CASP6: variants seen among roughly 807,000 people sequenced by gnomAD.
The protein encoded by CASP6 is caspase-6.
In CASP6, 20 loss-of-function variants were observed where a neutral mutation model predicts 31.8. That is an observed-to-expected ratio of 0.63 (90% confidence interval 0.44 to 0.91). The LOEUF is 0.91. CASP6 is among the 40% of genes least tolerant of loss of function. The pLI, the probability that CASP6 is intolerant of heterozygous loss-of-function variation, is 0.00. For synonymous variants in CASP6, 130 were observed against 127.8 expected, an observed-to-expected ratio of 1.02 and a Z score of -0.12; for missense variants, 328 against 361.1, an observed-to-expected ratio of 0.91 and a Z score of 0.74.
chr4:109,690,851 T>A lies in CASP6; in HGVS notation c.642A>T (p.Glu214Asp). The A allele has an allele frequency of 6.2e-7, 1 of 1,605,692 alleles. No homozygotes were observed. The highest frequency in any genetic ancestry group is 1.1e-5 in the South Asian group (1 of 89,324). Reference sequence around the variant, plus strand: ...ATGTTTGTTTTAAACACCACACACCTTCTGCAACAGAGTAACACATGAGGA... The same window carrying A: ...ATGTTTGTTTTAAACACCACACACCATCTGCAACAGAGTAACACATGAGGA... ...ADFLMCYSVA[E>D]GYYSHRETVN... Residue 214 changes from glutamate (E) to aspartate (D), a missense_variant and splice_region_variant, in exon 6 of 7, where the codon GAA becomes GAT. Glu to Asp is a conservative substitution (Grantham distance 45). Coordinates refer to ENST00000265164, the MANE Select transcript of CASP6 (RefSeq NM_001226.4).
Position 109,689,203 on chromosome 4 carries a change from A to C in CASP6, c.*127T>G, listed in dbSNP as rs1234821207. 2.4e-6 allele frequency: 2 copies of C among 832,206 alleles called. No individual in the cohort carries two copies. Among genetic ancestry groups the C allele is most frequent in the Non-Finnish European group, 3.9e-6 (2 of 512,128 alleles). 51.6% of individuals were successfully genotyped at this position (832,206 alleles called of 1,614,324 possible). ...TCCATGTTGGTCAGGCTGGTCTCGA[A>C]CTCCCGACCTCAGGTGATCCGCCCA... is the stretch of plus-strand genomic sequence containing the variant. On this transcript the variant is annotated 3_prime_UTR_variant, in exon 7 of 7. Coordinates refer to ENST00000265164, the MANE Select transcript of CASP6 (RefSeq NM_001226.4).
intron 1 of CASP6, chr4:109,702,768 ACAG>A (rs1403598264): frequency 6.6e-6 from 1 of 152,504 alleles, no homozygotes; most frequent in African/African-American, 2.4e-5. Flanking sequence ...AAACCGACAG[ACAG>A]CAGCAGGTTT....
At chr4:109,665,994 G>A in the CASP6 span, among the ~76,000 whole-genome samples, 6 of 151,928 alleles carry the variant, frequency 3.9e-5, no homozygotes, top group Non-Finnish European at 5.9e-5. Context: ...AAGGGGGAAA[G>A]GAAGAGAGAG....
chr4:109,703,582 C>T (rs375070297), upstream of CASP6: 36 of 702,310 alleles, frequency 5.1e-5, no homozygotes, highest in East Asian at 9.9e-4. Flanking sequence ...AGAGTTAAAG[C>T]TCCTCCCAGT....
chr4:109,665,512 G>C, the CASP6 span, among the ~76,000 whole-genome samples: 1 of 152,172 alleles, frequency 6.6e-6, no homozygotes, highest in African/African-American at 2.4e-5. Flanking sequence ...CAAAATTCAA[G>C]GATGCTCAAG....
At chr4:109,697,878 C>CTGA (rs1730299426) in intron 2 of CASP6, 110 bp from the exon 3 acceptor site, 1 of 1,227,692 alleles carries the variant, frequency 8.1e-7, no homozygotes, top group Non-Finnish European at 1.1e-6. Context: ...CCTTGCCAGG[C>CTGA]TGATGTTCCA....
downstream of CASP6, chr4:109,684,914 A>G: frequency 2.6e-6 from 1 of 383,974 alleles, no homozygotes. Flanking sequence ...CATTTATAAA[A>G]AAAACTGAAT....
rs1554021792 is a variant in CASP6, at chr4:109,690,247, A to AACAC, written c.643+602_643+603insGTGT. Among the ~76,000 whole-genome samples the AACAC allele has an allele frequency of 3.2e-3, 460 of 143,400 alleles. 6 individuals are homozygous for AACAC. The highest frequency in any genetic ancestry group is 0.011 in the African/African-American group (433 of 37,836). The allele number at this position is 143,400 out of a possible 152,430, so 94.1% of individuals were successfully genotyped here. Reference sequence around the variant, plus strand: ...ACAGAGTGAGACTATAAAAAAAAAAAACGCACGCACGCACGCAATGGCTCA... The same window carrying AACAC: ...ACAGAGTGAGACTATAAAAAAAAAAAACACACGCACGCACGCACGCAATGGCTCA... On this transcript the variant is annotated intron_variant, in intron 6 of 6. Transcript: ENST00000265164.
the CASP6 span, chr4:109,682,787 T>A: frequency 6.8e-7 from 1 of 1,469,458 alleles, no homozygotes; most frequent in Non-Finnish European, 9.4e-7. Context: ...TAATACCTAG[T>A]GTTTATTGAG....
At chr4:109,703,484 G>C (rs1730500618), upstream of CASP6, 44 of 1,515,296 alleles carry the variant, frequency 2.9e-5, 2 homozygotes, top group South Asian at 5.3e-4. Flanking sequence ...CCCTTCCTCG[G>C]CGGCCCCGCC....
At chr4:109,665,235 TTTA>T in the CASP6 span, among the ~76,000 whole-genome samples, 1 of 152,232 alleles carries the variant, frequency 6.6e-6, no homozygotes, top group African/African-American at 2.4e-5. Context: ...TCATCTTGTT[TTTA>T]TTAATCTTTC....
chr4:109,671,648 G>C, the CASP6 span, among the ~76,000 whole-genome samples: 1 of 152,000 alleles, frequency 6.6e-6, no homozygotes, highest in Non-Finnish European at 1.5e-5. Flanking sequence ...TTTTCCATTA[G>C]AGCCTTTAAT....
chr4:109,696,037 C>T (rs1579110167), intron 4 of CASP6, among the ~76,000 whole-genome samples: 6 of 152,130 alleles, frequency 3.9e-5, no homozygotes, highest in Admixed American at 3.9e-4. Context: ...TGTAAACCAA[C>T]ACTATTTGGA....
intron 1 of CASP6, among the ~76,000 whole-genome samples, chr4:109,700,193 T>G (rs1402443800): frequency 1.3e-5 from 2 of 152,202 alleles, no homozygotes; most frequent in Non-Finnish European, 2.9e-5. Flanking sequence ...TTTAAAACTC[T>G]TGTTTCTCAT....
chr4:109,701,531 G>A lies in CASP6; in HGVS notation c.40+1825C>T, dbSNP rs971897879. 4.6e-5 allele frequency among the ~76,000 whole-genome samples: 7 copies of A among 152,108 alleles called. No individual in the cohort carries two copies. The South Asian group carries it at 6.2e-4, about 14-fold the overall frequency. On this transcript the variant is annotated intron_variant, in intron 1 of 6. Coordinates refer to ENST00000265164, the MANE Select transcript of CASP6 (RefSeq NM_001226.4). ...GCAAGTCCACCTCCAGGTTTCAAGC[G>A]ATTCTCCTGCCTCAGTCTCCCCAGT...
At chr4:109,671,979 C>A in the CASP6 span, among the ~76,000 whole-genome samples, 1 of 152,008 alleles carries the variant, frequency 6.6e-6, no homozygotes. Context: ...CCTATAAATT[C>A]TTTCTCAAAT....
At chr4:109,705,139 C>T (rs963065473), upstream of CASP6, among the ~76,000 whole-genome samples, 1 of 152,188 alleles carries the variant, frequency 6.6e-6, no homozygotes, top group African/African-American at 2.4e-5. Context: ...TTGTTAGGGG[C>T]TAATACAACT....
the CASP6 span, among the ~76,000 whole-genome samples, chr4:109,677,054 C>A: frequency 6.6e-6 from 1 of 152,232 alleles, no homozygotes; most frequent in African/African-American, 2.4e-5. Context: ...GCCATGGGGG[C>A]AGGACTGCCC....
At chr4:109,666,214 G>A in the CASP6 span, among the ~76,000 whole-genome samples, 177 of 152,278 alleles carry the variant, frequency 1.2e-3, no homozygotes, top group Middle Eastern at 0.02. Context: ...AAGGACATCT[G>A]GGATACTTCC....
Sources: gnomAD v4.1 joint callset for allele counts (sites outside exome capture counted in the v4.1 genomes callset) on GRCh38, gnomAD v4.1.1 for gene constraint, MANE v1.5 for transcripts, NCBI Gene and HGNC (gene_info 2026-07-23, HGNC 2026-07-21) for gene names.